ARHGEF3: variants seen among roughly 807,000 people sequenced by gnomAD.
ARHGEF3 encodes Rho guanine nucleotide exchange factor 3.
In ARHGEF3, 28 loss-of-function variants were observed where a neutral mutation model predicts 63.2. The observed-to-expected ratio is 0.44, with a 90% CI of 0.33 to 0.61. The LOEUF is 0.61. Ranked by LOEUF, ARHGEF3 falls within the 20% of genes least tolerant of loss-of-function variation. The probability of loss-of-function intolerance (pLI) is 0.03; values close to 1 mark genes in which losing one functional copy is unlikely to be tolerated. For missense variants in ARHGEF3, 533 were observed against 659.3 expected (o/e 0.81, Z 2.10); for synonymous variants, 266 against 254.2 (o/e 1.05, Z -0.44).
At chr3:56,807,003 C>A (rs1468487449) in intron 4 of ARHGEF3, among the ~76,000 whole-genome samples, 3 of 152,106 alleles carry the variant, frequency 2.0e-5, no homozygotes, top group African/African-American at 7.2e-5. Context: ...CCCGCCTCAG[C>A]CTCCTGAGTA....
chr3:56,803,529 G>T (rs1254320535), upstream of ARHGEF3, among the ~76,000 whole-genome samples: 6 of 152,136 alleles, frequency 3.9e-5, no homozygotes, highest in African/African-American at 9.6e-5. Context: ...TGGCTAGGTA[G>T]AGTGGCTCAC....
At chr3:56,749,172 C>CAGTT (rs749346906) in intron 6 of ARHGEF3, among the ~76,000 whole-genome samples, 1 of 152,070 alleles carries the variant, frequency 6.6e-6, no homozygotes, top group Non-Finnish European at 1.5e-5. Context: ...AACAACGGGC[C>CAGTT]AGTTGTTTAA....
At chr3:57,007,417 C>T in intron 2 of ARHGEF3, 1 of 1,238,788 alleles carries the variant, frequency 8.1e-7, no homozygotes, top group Non-Finnish European at 1.1e-6. Flanking sequence ...TTTGTTTATT[C>T]CAAAATCAGG....
rs528062308 is a variant in ARHGEF3 at position 56,894,085 on chromosome 3, A to G, written c.130-11731T>C. ...GAAAGCACACAAATCAGCTTTCCACAGGCCAGAAATGCCGGAGAATTAATG... is the reference window on the plus strand; with the variant it reads ...GAAAGCACACAAATCAGCTTTCCACGGGCCAGAAATGCCGGAGAATTAATG... On this transcript the variant is annotated intron_variant, in intron 3 of 12. Coordinates refer to the ARHGEF3 transcript ENST00000338458. Among the ~76,000 whole-genome samples the G allele has an allele frequency of 2.5e-3, 377 of 152,256 alleles. 1 individual carries two copies. The highest frequency in any genetic ancestry group is 5.4e-3 in the South Asian group (26 of 4,828).
At chr3:56,767,187 C>T (rs946379471) in intron 2 of ARHGEF3, among the ~76,000 whole-genome samples, 4 of 151,176 alleles carry the variant, frequency 2.6e-5, no homozygotes, top group African/African-American at 7.3e-5. Flanking sequence ...AACTACTTAA[C>T]GACATGAAAA....
intron 4 of ARHGEF3, among the ~76,000 whole-genome samples, chr3:56,808,978 T>C (rs1310384139): frequency 6.6e-6 from 1 of 152,208 alleles, no homozygotes; most frequent in Admixed American, 6.5e-5. Context: ...TCCTGAAATA[T>C]GGTATTGGAG....
chr3:56,835,011 A>C (rs1279950214), intron 4 of ARHGEF3, among the ~76,000 whole-genome samples: 2 of 152,208 alleles, frequency 1.3e-5, no homozygotes, highest in African/African-American at 2.4e-5. Flanking sequence ...AGTATAATAA[A>C]GAAGTAAAAG....
At chr3:56,775,164 CA>C in intron 1 of ARHGEF3, 1 of 1,529,616 alleles carries the variant, frequency 6.5e-7, no homozygotes, top group South Asian at 1.2e-5. Context: ...CCATTGCTTT[CA>C]AAGTTTCGAG....
chr3:56,739,150 C>G (rs2033839083), intron 7 of ARHGEF3, among the ~76,000 whole-genome samples: 1 of 152,060 alleles, frequency 6.6e-6, no homozygotes, highest in African/African-American at 2.4e-5. Flanking sequence ...ATTTCCTTAG[C>G]AGGATTCTCT....
intron 4 of ARHGEF3, among the ~76,000 whole-genome samples, chr3:56,818,833 T>A (rs1351649703): frequency 6.6e-6 from 1 of 152,278 alleles, no homozygotes; most frequent in East Asian, 1.9e-4. Context: ...GCAAATATTG[T>A]TTCATGGGTT....
At chr3:57,015,946 C>T (rs1276996722) in intron 2 of ARHGEF3, among the ~76,000 whole-genome samples, 1 of 152,106 alleles carries the variant, frequency 6.6e-6, no homozygotes, top group East Asian at 1.9e-4. Flanking sequence ...CTCCAATCCC[C>T]AGATGGCCGA....
intron 1 of ARHGEF3, among the ~76,000 whole-genome samples, chr3:56,785,608 A>G (rs2036762697): frequency 1.3e-5 from 2 of 152,226 alleles, no homozygotes; most frequent in African/African-American, 4.8e-5. Context: ...TCTCTTTCTC[A>G]TCCATCTGTC....
At chr3:56,895,470 TTA>T (rs1553775302) in intron 3 of ARHGEF3, among the ~76,000 whole-genome samples, 5,818 of 132,216 alleles carry the variant, frequency 0.044, 158 homozygotes, top group African/African-American at 0.05. Flanking sequence ...ATTTATTTAT[TTA>T]TTTTTTTTTG....
chr3:56,851,750 A>G (rs1481013911), intron 4 of ARHGEF3, among the ~76,000 whole-genome samples: 1 of 151,966 alleles, frequency 6.6e-6, no homozygotes, highest in Non-Finnish European at 1.5e-5. Flanking sequence ...CTGAAGAAAA[A>G]TTAGAAGATA....
intron 3 of ARHGEF3, among the ~76,000 whole-genome samples, chr3:56,899,373 C>A (rs1198070098): frequency 6.6e-6 from 1 of 152,214 alleles, no homozygotes; most frequent in Non-Finnish European, 1.5e-5. Flanking sequence ...CATCGTAAAT[C>A]CCTCAAAGAG....
intron 2 of ARHGEF3, among the ~76,000 whole-genome samples, chr3:57,014,834 C>G (rs1383501887): frequency 6.6e-6 from 1 of 152,104 alleles, no homozygotes; most frequent in Non-Finnish European, 1.5e-5. Context: ...GCGCCCGCCA[C>G]TGCACTTGGC....
intron 3 of ARHGEF3, among the ~76,000 whole-genome samples, chr3:56,900,017 T>C (rs76528797): frequency 0.016 from 2,422 of 152,296 alleles, 70 homozygotes; most frequent in African/African-American, 0.055. Context: ...CCTAACCTTC[T>C]TCCTTCCCCT....
chr3:56,858,818 GGTTGGCAGGTGGGCA>G (rs566642039), intron 4 of ARHGEF3, among the ~76,000 whole-genome samples: 210 of 152,274 alleles, frequency 1.4e-3, no homozygotes, highest in Non-Finnish European at 2.1e-3. Context: ...AGGGAAATGA[GGTTGGCAGGTGGGCA>G]GGAGCCTAGA....
chr3:56,972,236 A>T (rs1163468398), intron 2 of ARHGEF3, among the ~76,000 whole-genome samples: 1 of 152,098 alleles, frequency 6.6e-6, no homozygotes, highest in African/African-American at 2.4e-5. Flanking sequence ...ATTACTTTGG[A>T]CAACTTATAC....
Sources: allele counts gnomAD v4.1 joint callset (sites outside exome capture counted in the v4.1 genomes callset), GRCh38; gene constraint gnomAD v4.1.1; transcripts MANE v1.5; gene names NCBI Gene and HGNC (gene_info 2026-07-23, HGNC 2026-07-21).